SLC39A11: variants seen among roughly 807,000 people sequenced by gnomAD.
SLC39A11 encodes zinc transporter ZIP11.
A neutral mutation model predicts 36.1 loss-of-function variants in SLC39A11; 33 were observed. That is an observed-to-expected ratio of 0.91 (90% CI 0.69 to 1.22). The LOEUF (loss-of-function observed/expected upper bound fraction) is 1.22, where lower values mean the gene tolerates loss of function less well. Ranked by LOEUF, SLC39A11 falls within the 50% of genes most tolerant of loss-of-function variation. SLC39A11 has a pLI of 0.00. For synonymous variants in SLC39A11, 166 were observed against 170.3 expected (o/e 0.97, Z 0.20); for missense variants, 432 against 430.3 (o/e 1.00, Z -0.03).
chr17:72,964,548 A>G (rs930875152), intron 4 of SLC39A11, among the ~76,000 whole-genome samples: 1 of 152,240 alleles, frequency 6.6e-6, no homozygotes, highest in African/African-American at 2.4e-5. Flanking sequence ...GAAGAAATTG[A>G]AGTAAAAGAC....
chr17:72,790,325 C>G (rs2076657983), intron 6 of SLC39A11, among the ~76,000 whole-genome samples: 1 of 152,052 alleles, frequency 6.6e-6, no homozygotes, highest in African/African-American at 2.4e-5. Context: ...ACCATGTGAC[C>G]TGGATAAACA....
At position 72,827,102 on chromosome 17, in the gene SLC39A11, C is replaced by G. The variant is rs144329543; in HGVS notation, c.601+22532G>C. Among the ~76,000 whole-genome samples the G allele has an allele frequency of 1.1e-4, 17 of 152,222 alleles. No individual in the cohort carries two copies. In the East Asian group the frequency reaches 3.1e-3, roughly 28 times the overall value. ...TCCAACAGTAGATATAACCCAAATG[C>G]TTATTAACTGATGAATGGATGAACA... On this transcript the variant is annotated intron_variant, in intron 6 of 9. Transcript: ENST00000255559.
At chr17:72,724,626 C>A (rs746431474) in intron 7 of SLC39A11, among the ~76,000 whole-genome samples, 69 of 152,110 alleles carry the variant, frequency 4.5e-4, no homozygotes, top group Non-Finnish European at 8.2e-4. Flanking sequence ...TGACTTGAGT[C>A]ATCCCTGATG....
intron 6 of SLC39A11, chr17:72,839,663 T>C (rs1244709702): frequency 6.6e-6 from 1 of 152,262 alleles, no homozygotes; most frequent in Non-Finnish European, 1.5e-5. Context: ...TTTAAGCCAC[T>C]AAGTTTGTGA....
At chr17:73,051,307 G>C (rs541663857) in intron 3 of SLC39A11, among the ~76,000 whole-genome samples, 1 of 152,066 alleles carries the variant, frequency 6.6e-6, no homozygotes, top group Non-Finnish European at 1.5e-5. Flanking sequence ...AAATTTCCAT[G>C]ACAGTAACTT....
At chr17:72,954,749 T>C (rs1281143611) in intron 4 of SLC39A11, among the ~76,000 whole-genome samples, 2 of 152,192 alleles carry the variant, frequency 1.3e-5, no homozygotes, top group Non-Finnish European at 2.9e-5. Context: ...ACATAACACA[T>C]GACCTTCTCT....
chr17:72,762,942 G>A (rs2075641159), intron 6 of SLC39A11, among the ~76,000 whole-genome samples: 2 of 152,186 alleles, frequency 1.3e-5, no homozygotes, highest in South Asian at 4.1e-4. Context: ...TTTGGGATGA[G>A]GAAATAGGCC....
intron 5 of SLC39A11, among the ~76,000 whole-genome samples, chr17:72,861,772 ATATATAT>A (rs1218717884): frequency 1.1e-5 from 1 of 92,256 alleles, no homozygotes; most frequent in African/African-American, 4.7e-5. Context: ...ATATATATAT[ATATATAT>A]ATATCCAATG....
rs375757413 is a variant in SLC39A11, at chr17:72,661,185, C to G, written c.672-11917G>C. On this transcript the variant is annotated intron_variant, in intron 7 of 9. Transcript: ENST00000255559. ...CCAAAGCCAGTGGTCACTCTCAAAG[C>G]TCACTGTTGCACAATTCCAGGGGTA... Among the ~76,000 whole-genome samples, 7 of 152,326 alleles carry G rather than the reference C, an allele frequency of 4.6e-5. No homozygotes were observed. The East Asian group carries it at 1.4e-3, about 29-fold the overall frequency.
At chr17:72,682,943 C>CAAAA (rs2071569098) in intron 7 of SLC39A11, among the ~76,000 whole-genome samples, 1 of 152,168 alleles carries the variant, frequency 6.6e-6, no homozygotes. Context: ...AACAAACAAA[C>CAAAA]AAAAAACAAA....
chr17:72,790,653 TC>T, intron 6 of SLC39A11, among the ~76,000 whole-genome samples: 1 of 151,994 alleles, frequency 6.6e-6, no homozygotes. Flanking sequence ...TGCCTCAGCC[TC>T]CTGAGTAGCT....
intron 5 of SLC39A11, among the ~76,000 whole-genome samples, chr17:72,905,957 G>A (rs1259902060): frequency 1.3e-5 from 2 of 152,118 alleles, no homozygotes; most frequent in Non-Finnish European, 2.9e-5. Flanking sequence ...GTTTCACTGT[G>A]TTAGCCAGGA....
intron 4 of SLC39A11, among the ~76,000 whole-genome samples, chr17:72,977,341 G>A (rs886995709): frequency 1.3e-5 from 2 of 152,206 alleles, no homozygotes; most frequent in Non-Finnish European, 2.9e-5. Context: ...AAATCCAGAT[G>A]AGAACACGAC....
chr17:72,793,643 TG>T (rs1418980088), intron 6 of SLC39A11, among the ~76,000 whole-genome samples: 1 of 152,172 alleles, frequency 6.6e-6, no homozygotes, highest in Non-Finnish European at 1.5e-5. Context: ...TTACCCAGGC[TG>T]GTCTCAAACT....
chr17:72,745,867 G>A (rs1044916218), intron 6 of SLC39A11, among the ~76,000 whole-genome samples: 1 of 152,136 alleles, frequency 6.6e-6, no homozygotes, highest in Admixed American at 6.6e-5. Flanking sequence ...ACCCTGTGGA[G>A]GATTAATGAA....
chr17:72,907,105 A>G (rs1188612401), intron 5 of SLC39A11, among the ~76,000 whole-genome samples: 1 of 152,228 alleles, frequency 6.6e-6, no homozygotes, highest in Non-Finnish European at 1.5e-5. Context: ...GGAAGCAGTG[A>G]GATATTTCCT....
At chr17:72,960,244 T>G (rs748399343) in intron 4 of SLC39A11, among the ~76,000 whole-genome samples, 52 of 152,180 alleles carry the variant, frequency 3.4e-4, no homozygotes, top group African/African-American at 1.3e-3. Flanking sequence ...GTCTATCACT[T>G]TCACAAATAA....
chr17:72,683,200 A>G (rs2071581635), intron 7 of SLC39A11, among the ~76,000 whole-genome samples: 1 of 152,204 alleles, frequency 6.6e-6, no homozygotes, highest in Non-Finnish European at 1.5e-5. Context: ...GGTTCTCAAT[A>G]GATCCTCTAT....
intron 4 of SLC39A11, among the ~76,000 whole-genome samples, chr17:72,977,543 C>G (rs1382536165): frequency 6.6e-6 from 1 of 152,168 alleles, no homozygotes; most frequent in Admixed American, 6.5e-5. Flanking sequence ...ATATCAGAGG[C>G]AAGGGGAGAA....
Sources: gnomAD v4.1 joint callset for allele counts (sites outside exome capture counted in the v4.1 genomes callset) on GRCh38, gnomAD v4.1.1 for gene constraint, MANE v1.5 for transcripts, NCBI Gene and HGNC (gene_info 2026-07-23, HGNC 2026-07-21) for gene names.